Variants in ABTB2 observed in about 807,000 individuals in gnomAD.
The protein encoded by ABTB2 is ankyrin repeat and BTB domain containing 2.
Under a neutral mutation model 104.1 loss-of-function variants are expected in ABTB2, and 56 were observed. The ratio of observed to expected loss-of-function variants is 0.54; its 90% CI spans 0.43 to 0.67. ABTB2 has a LOEUF of 0.67. Ranked by LOEUF, ABTB2 falls within the 30% of genes least tolerant of loss-of-function variation. The pLI is 0.00. For missense variants in ABTB2, 1,279 were observed against 1,407.7 expected, an observed-to-expected ratio of 0.91 and a Z score of 1.46; for synonymous variants, 606 against 608.2, an observed-to-expected ratio of 1.00 and a Z score of 0.05.
At chr11:34,156,712 T>C (rs940895324) in intron 14 of ABTB2, among the ~76,000 whole-genome samples, 1 of 151,988 alleles carries the variant, frequency 6.6e-6, no homozygotes, top group Non-Finnish European at 1.5e-5. Flanking sequence ...TTAGTAGAGA[T>C]ACGGTTTCTA....
Position 34,357,594 on chromosome 11 carries a change from C to A in ABTB2, c.-11G>T. On this transcript the variant is annotated 5_prime_UTR_variant, in exon 1 of 17. Transcript: ENST00000435224. Reference sequence around the variant, plus strand: ...GTACGTCCCGGCCATGGGGAGCCTGCCGAGGGCGGCGTCGCCGAGCGAGGG... The same window carrying A: ...GTACGTCCCGGCCATGGGGAGCCTGACGAGGGCGGCGTCGCCGAGCGAGGG... The A allele has an allele frequency of 6.7e-7, 1 of 1,496,962 alleles. No individual in the cohort carries two copies. The highest frequency in any genetic ancestry group is 2.5e-5 in the East Asian group (1 of 39,798). 92.7% of individuals were successfully genotyped at this position (1,496,962 alleles called of 1,614,324 possible). A position where few individuals can be genotyped will look rare whatever the true frequency, so the allele number is the denominator to read the frequency against.
intron 3 of ABTB2, among the ~76,000 whole-genome samples, chr11:34,175,721 G>A (rs949437092): frequency 3.0e-4 from 45 of 152,264 alleles, no homozygotes; most frequent in African/African-American, 1.1e-3. Flanking sequence ...TGAAGGGGAG[G>A]GCCACAGGCC....
In ABTB2 at chr11:34,357,587, G is replaced by A. The variant is rs1438158488; in HGVS notation, c.-4C>T. 4.0e-6 allele frequency: 6 copies of A among 1,503,806 alleles called. No individual in the cohort carries two copies. The highest frequency in any genetic ancestry group is 5.3e-6 in the Non-Finnish European group (6 of 1,125,416). The allele number at this position is 1,503,806 out of a possible 1,614,324, so 93.2% of individuals were successfully genotyped here. A position where few individuals can be genotyped will look rare whatever the true frequency, so the allele number is the denominator to read the frequency against. ...TCGAGCTGTACGTCCCGGCCATGGG[G>A]AGCCTGCCGAGGGCGGCGTCGCCGA... On this transcript the variant is annotated 5_prime_UTR_variant, in exon 1 of 17. Coordinates refer to ENST00000435224, the MANE Select transcript of ABTB2 (RefSeq NM_145804.3).
intron 14 of ABTB2, among the ~76,000 whole-genome samples, chr11:34,155,156 C>A (rs1852605259): frequency 6.6e-6 from 1 of 152,246 alleles, no homozygotes; most frequent in South Asian, 2.1e-4. Flanking sequence ...TCGCATCATG[C>A]CTGGCCCCGT....
intron 14 of ABTB2, among the ~76,000 whole-genome samples, chr11:34,156,193 T>A (rs1022702998): frequency 5.3e-5 from 8 of 152,228 alleles, no homozygotes; most frequent in South Asian, 4.1e-4. Context: ...CACATGGATC[T>A]CCCTGAGGCC....
intron 1 of ABTB2, among the ~76,000 whole-genome samples, chr11:34,287,868 C>G (rs1854524825): frequency 6.6e-6 from 1 of 152,094 alleles, no homozygotes; most frequent in South Asian, 2.1e-4. Flanking sequence ...TGTCTCCACT[C>G]CCCCAGAAAA....
At chr11:34,257,736 C>T (rs1854141272) in intron 1 of ABTB2, among the ~76,000 whole-genome samples, 1 of 152,144 alleles carries the variant, frequency 6.6e-6, no homozygotes, top group Non-Finnish European at 1.5e-5. Flanking sequence ...TACAGGCGTA[C>T]ACCACCACAT....
rs1471678799 is a variant in ABTB2, at chr11:34,357,755, A to G, written c.-172T>C. On this transcript the variant is annotated 5_prime_UTR_variant, in exon 1 of 17. Transcript: ENST00000435224. ...CCCGGAGGCCGCGGGAAGGTGGCCG[A>G]GATCCGTGGCCAGCAGGAGCCCCAC... 3.0e-5 allele frequency: 21 copies of G among 710,122 alleles called. No individual in the cohort carries two copies. The highest frequency in any genetic ancestry group is 1.3e-5 in the Non-Finnish European group (6 of 465,322). 44.0% of individuals were successfully genotyped at this position (710,122 alleles called of 1,614,324 possible).
At chr11:34,262,141 C>T (rs1332679672) in intron 1 of ABTB2, among the ~76,000 whole-genome samples, 2 of 152,222 alleles carry the variant, frequency 1.3e-5, no homozygotes, top group Non-Finnish European at 2.9e-5. Context: ...AGAGATGCAA[C>T]AGGTTTGATG....
rs187635529 is a variant in ABTB2 at position 34,320,809 on chromosome 11, C to A, written c.883+35892G>T. ...AAGCAGCACATTCAAGCTTGCCAAT[C>A]TTCCCCAATACCATTTGTATCTGTC... On this transcript the variant is annotated intron_variant, in intron 1 of 16. Transcript: ENST00000435224. Among the ~76,000 whole-genome samples the A allele has an allele frequency of 3.3e-3, 508 of 152,338 alleles. 1 individual carries two copies. Among genetic ancestry groups the A allele is most frequent in the Non-Finnish European group, 5.9e-3 (404 of 68,034 alleles).
At chr11:34,168,755 TC>T (rs1447797315) in intron 5 of ABTB2, among the ~76,000 whole-genome samples, 1 of 152,188 alleles carries the variant, frequency 6.6e-6, no homozygotes, top group African/African-American at 2.4e-5. Context: ...ACTGAGCAGT[TC>T]AGAGCATTCC....
intron 1 of ABTB2, among the ~76,000 whole-genome samples, chr11:34,301,195 C>T (rs1176308247): frequency 6.6e-6 from 1 of 152,148 alleles, no homozygotes; most frequent in Non-Finnish European, 1.5e-5. Flanking sequence ...ACCTGGGTCA[C>T]TTGCAGTTAG....
chr11:34,321,627 A>G (rs1019765818), intron 1 of ABTB2, among the ~76,000 whole-genome samples: 30 of 152,214 alleles, frequency 2.0e-4, no homozygotes, highest in African/African-American at 7.2e-4. Context: ...CTGTGACTCA[A>G]CAGTGTCATC....
intron 10 of ABTB2, 22 bp downstream of exon 10, chr11:34,162,554 G>A (rs564989949): frequency 2.8e-5 from 45 of 1,607,916 alleles, no homozygotes; most frequent in South Asian, 1.3e-4. Context: ...GGACATGGGT[G>A]TGCATGCCCG....
intron 1 of ABTB2, among the ~76,000 whole-genome samples, chr11:34,228,721 G>A (rs2133055080): frequency 6.6e-6 from 1 of 152,238 alleles, no homozygotes; most frequent in Admixed American, 6.5e-5. Context: ...TTTCCACAGT[G>A]ACTTCACCAT....
chr11:34,184,855 G>C (rs1344000433), intron 3 of ABTB2, among the ~76,000 whole-genome samples: 1 of 152,236 alleles, frequency 6.6e-6, no homozygotes. Flanking sequence ...TCCCATGAGC[G>C]GTGTTTGTGG....
intron 1 of ABTB2, among the ~76,000 whole-genome samples, chr11:34,320,879 C>T (rs191340725): frequency 7.2e-5 from 11 of 152,274 alleles, no homozygotes; most frequent in Non-Finnish European, 1.2e-4. Flanking sequence ...TTTTACTTTG[C>T]GCCATTTAAA....
chr11:34,166,254 C>G (rs1264194112), intron 7 of ABTB2, among the ~76,000 whole-genome samples: 2 of 152,246 alleles, frequency 1.3e-5, no homozygotes, highest in Non-Finnish European at 2.9e-5. Flanking sequence ...AGGCTGACCT[C>G]TCAGTCCCAT....
intron 1 of ABTB2, among the ~76,000 whole-genome samples, chr11:34,282,063 G>A (rs559683969): frequency 5.4e-4 from 82 of 152,294 alleles, no homozygotes; most frequent in Non-Finnish European, 1.0e-3. Context: ...TTATGGTTCT[G>A]GAGACTGGGA....
Sources: gnomAD v4.1 joint callset for allele counts (sites outside exome capture counted in the v4.1 genomes callset) on GRCh38, gnomAD v4.1.1 for gene constraint, MANE v1.5 for transcripts, NCBI Gene and HGNC (gene_info 2026-07-23, HGNC 2026-07-21) for gene names.